BAZ2A: variants seen among roughly 807,000 people sequenced by gnomAD.
BAZ2A encodes the protein bromodomain adjacent to zinc finger domain protein 2A.
A neutral mutation model predicts 199.9 loss-of-function variants in BAZ2A; 34 were observed. The observed-to-expected ratio is 0.17, with a 90% CI of 0.13 to 0.23. The LOEUF (loss-of-function observed/expected upper bound fraction) is 0.23. Ranked by LOEUF, BAZ2A falls within the 10% of genes least tolerant of loss-of-function variation. The pLI is 1.00. For missense variants in BAZ2A, 2,002 were observed against 2,391.1 expected (o/e 0.84, Z 3.39); for synonymous variants, 857 against 883.9 (o/e 0.97, Z 0.54).
intron 1 of BAZ2A, among the ~76,000 whole-genome samples, chr12:56,622,270 A>T (rs1435963994): frequency 6.6e-6 from 1 of 151,930 alleles, no homozygotes; most frequent in Non-Finnish European, 1.5e-5. Context: ...AATCCAGGAG[A>T]TGGAGGTTGC....
At chr12:56,625,398 C>T (rs565009291) in intron 1 of BAZ2A, among the ~76,000 whole-genome samples, 5 of 151,994 alleles carry the variant, frequency 3.3e-5, no homozygotes, top group South Asian at 2.1e-4. Context: ...TCAGGTGATC[C>T]GCACGCCTCA....
In BAZ2A at chr12:56,609,953, T is replaced by C. The variant is rs1459157001; in HGVS notation, c.1882-7A>G. ...GCTGCACCCACTGCAAGCCCTAAGG[T>C]AGCAAGGGAGACTGTTACAGTAGTA... On this transcript the variant is annotated splice_region_variant and splice_polypyrimidine_tract_variant and intron_variant, in intron 9 of 28. Coordinates refer to ENST00000549884, the MANE Select transcript of BAZ2A (RefSeq NM_001300905.2). The C allele has an allele frequency of 1.2e-6, 2 of 1,611,364 alleles. No individual in the cohort carries two copies. Among genetic ancestry groups the C allele is most frequent in the Non-Finnish European group, 1.7e-6 (2 of 1,179,492 alleles).
chr12:56,598,550 G>T lies in BAZ2A; in HGVS notation c.*68C>A. 1.3e-6 allele frequency: 2 copies of T among 1,555,568 alleles called. No homozygotes were observed. Among genetic ancestry groups the T allele is most frequent in the Non-Finnish European group, 1.7e-6 (2 of 1,151,880 alleles). On this transcript the variant is annotated 3_prime_UTR_variant, in exon 29 of 29. Coordinates refer to ENST00000549884, the MANE Select transcript of BAZ2A (RefSeq NM_001300905.2). The stretch of plus-strand genomic sequence containing the variant: ...TGGACCCAGGGCAGCATCAGCAGGT[G>T]AAAATGGCAGGTTTTTGTTTGGAAG...
At position 56,601,903 on chromosome 12, in the gene BAZ2A, C is replaced by G. The variant is rs753258600; in HGVS notation, c.3714G>C (p.Gln1238His). ...CCAGGAACCCCTTATGGGACTGAAG[C>G]TGAAGCTGAAGCTGAGGCTGGGGCT... is the stretch of plus-strand genomic sequence containing the variant. The part of the protein sequence containing the change: ...PAQPQPQLQL[Q>H]LQSHKGFLEQ... The change falls in exon 20 of 29, where the codon CAG becomes CAC. Residue 1238 changes from glutamine to histidine, a missense_variant. Transcript: ENST00000549884. The G allele has an allele frequency of 6.2e-7, 1 of 1,605,352 alleles. No homozygotes were observed. The highest frequency in any genetic ancestry group is 1.1e-5 in the South Asian group (1 of 90,452).
chr12:56,620,709 G>A (rs1172415019), intron 1 of BAZ2A, among the ~76,000 whole-genome samples: 3 of 151,830 alleles, frequency 2.0e-5, no homozygotes, highest in African/African-American at 7.3e-5. Flanking sequence ...ACAGGCACCC[G>A]CCAACACGCC....
chr12:56,608,568 A>ATAT (rs551031967), intron 10 of BAZ2A, among the ~76,000 whole-genome samples: 4 of 151,284 alleles, frequency 2.6e-5, no homozygotes, highest in East Asian at 3.9e-4. Context: ...TATTATTATT[A>ATAT]TATTATTATT....
intron 10 of BAZ2A, among the ~76,000 whole-genome samples, chr12:56,607,960 A>C (rs1331554480): frequency 1.3e-5 from 2 of 151,820 alleles, no homozygotes; most frequent in East Asian, 3.9e-4. Flanking sequence ...TATGCCTGTA[A>C]TCCCAGCTAC....
At position 56,606,269 on chromosome 12, in the gene BAZ2A, T is replaced by C. The variant is rs1448555344; in HGVS notation, c.2237A>G (p.Lys746Arg). ...RKQETKSLKQ[K>R]EAKKKSKAEK... Reference sequence around the variant, plus strand: ...TACCTTGGATTTCTTCTTAGCTTCCTTCTGCTTTAAGCTCTTGGTCTCTTG... The same window carrying C: ...TACCTTGGATTTCTTCTTAGCTTCCCTCTGCTTTAAGCTCTTGGTCTCTTG... The change falls in exon 12 of 29, where the codon AAG becomes AGG. Residue 746 changes from lysine (K) to arginine (R), a missense_variant. Transcript: ENST00000549884. The C allele has an allele frequency of 6.2e-6, 10 of 1,614,048 alleles. No homozygotes were observed. Among genetic ancestry groups the C allele is most frequent in the Non-Finnish European group, 8.5e-6 (10 of 1,179,902 alleles).
intron 16 of BAZ2A, 63 bp from the exon 17 acceptor site, chr12:56,603,763 A>G: frequency 6.3e-7 from 1 of 1,581,622 alleles, no homozygotes; most frequent in Non-Finnish European, 8.6e-7. Flanking sequence ...CTGTAATTCC[A>G]GCACTTTGGG....
intron 1 of BAZ2A, among the ~76,000 whole-genome samples, chr12:56,625,161 T>A (rs1213877184): frequency 6.8e-6 from 1 of 147,088 alleles, no homozygotes; most frequent in Non-Finnish European, 1.5e-5. Flanking sequence ...TTTCTTTTTT[T>A]TTTTTTTTTT....
chr12:56,638,273 C>A (rs1471504546), upstream of BAZ2A: 1 of 1,502,206 alleles, frequency 6.7e-7, no homozygotes, highest in Non-Finnish European at 9.2e-7. Flanking sequence ...AAAAATGAAG[C>A]TTTTTGGGTT....
rs184199314 is a variant in BAZ2A at position 56,635,542 on chromosome 12, C to T, written c.4+640G>A. ...GGCAAAAACCTCCTATCCTCTCAAC[C>T]TCAATCCTGCGTCCCACTCAGTGCC... is the stretch of plus-strand genomic sequence containing the variant. On this transcript the variant is annotated intron_variant, in intron 1 of 29. Coordinates refer to the BAZ2A transcript ENST00000379441. The surrounding 1 kb of genome is among the most constrained non-coding windows in gnomAD (Gnocchi z 4.1). Among the ~76,000 whole-genome samples, 3 of 152,316 alleles carry T rather than the reference C, an allele frequency of 2.0e-5. No individual in the cohort carries two copies. Among genetic ancestry groups the T allele is most frequent in the Non-Finnish European group, 2.9e-5 (2 of 68,018 alleles).
At position 56,614,077 on chromosome 12, in the gene BAZ2A, G is replaced by A. The variant is rs1356296923; in HGVS notation, c.792C>T (p.Val264=). ...CTGTGGGGTCAGGGACCAGGACTGA[G>A]ACCTCTTGGTGTAACGATTCCACAG... ...VPSVESLHQE[V]SVLVPDPTVS... The change falls in exon 4 of 29, where the codon GTC becomes GTT. Residue 264 remains valine (V), a synonymous_variant. Transcript: ENST00000549884. The A allele has an allele frequency of 6.2e-7, 1 of 1,613,998 alleles. No individual in the cohort carries two copies.
At chr12:56,604,107 C>A in intron 16 of BAZ2A, 110 bp downstream of exon 16, 1 of 1,105,516 alleles carries the variant, frequency 9.0e-7, no homozygotes, top group African/African-American at 1.6e-5. Flanking sequence ...GGTAAGGTCC[C>A]AAACCCAGGG....
chr12:56,636,080 C>T, intron 1 of BAZ2A: 1 of 1,374,472 alleles, frequency 7.3e-7, no homozygotes, highest in Non-Finnish European at 1.0e-6. Flanking sequence ...TCCTCTCCTT[C>T]AGCCCCCAAA....
intron 5 of BAZ2A, 148 bp from the exon 6 acceptor site, chr12:56,612,394 C>G: frequency 1.5e-6 from 1 of 674,180 alleles, no homozygotes; most frequent in Non-Finnish European, 2.5e-6. Context: ...AGCTTTTTCT[C>G]CCAACCAATC....
At chr12:56,609,633 A>ATT (rs1950497886) in intron 10 of BAZ2A, 103 bp downstream of exon 10, 6 of 1,215,922 alleles carry the variant, frequency 4.9e-6, no homozygotes, top group African/African-American at 1.5e-5. Context: ...CTTCCCAGAT[A>ATT]ATGTTAGTTA....
chr12:56,605,399 G>T, intron 13 of BAZ2A, 72 bp from the exon 14 acceptor site: 3 of 1,411,288 alleles, frequency 2.1e-6, no homozygotes, highest in Non-Finnish European at 9.4e-7. Context: ...GTCTACAAGA[G>T]GTTCTTCCTT....
chr12:56,628,050 C>T (rs1398185865), intron 1 of BAZ2A, among the ~76,000 whole-genome samples: 3 of 150,450 alleles, frequency 2.0e-5, no homozygotes, highest in South Asian at 2.1e-4. Flanking sequence ...GATGCGGTGG[C>T]GGGCTCCTGT....
Sources: allele counts gnomAD v4.1 joint callset (sites outside exome capture counted in the v4.1 genomes callset), GRCh38; gene constraint gnomAD v4.1.1; non-coding constraint Gnocchi (gnomAD v3.1); transcripts MANE v1.5; gene names NCBI Gene and HGNC (gene_info 2026-07-23, HGNC 2026-07-21).